Variants in ATP13A5 observed in about 807,000 individuals in gnomAD.
ATP13A5 encodes ATPase 13A5, also known as probable cation-transporting ATPase 13A5.
A neutral mutation model predicts 150.2 loss-of-function variants in ATP13A5; 149 were observed. The ratio of observed to expected loss-of-function variants is 0.99; its 90% confidence interval spans 0.87 to 1.14. The LOEUF (loss-of-function observed/expected upper bound fraction) is 1.14, where lower values mean the gene tolerates loss of function less well. Ranked by LOEUF, ATP13A5 falls within the 50% of genes most tolerant of loss-of-function variation. ATP13A5 has a pLI of 0.00. For missense variants in ATP13A5, 1,383 were observed against 1,449.3 expected (o/e 0.95, Z 0.74); for synonymous variants, 497 against 522.2 (o/e 0.95, Z 0.66).
rs1396671990 is a variant in ATP13A5 at position 193,339,008 on chromosome 3, T to C, written c.944-3909A>G. ...ATTTATCAATTTCTTCTAGATTTTC[T>C]AGTTTATTTGCATAGAGGTGTTTAT... On this transcript the variant is annotated intron_variant, in intron 9 of 29. Coordinates refer to ENST00000342358, the MANE Select transcript of ATP13A5 (RefSeq NM_198505.4). 2.0e-5 allele frequency among the ~76,000 whole-genome samples: 3 copies of C among 152,212 alleles called. No individual in the cohort carries two copies. In the East Asian group the frequency reaches 5.8e-4, roughly 29 times the overall value.
At chr3:193,311,704 TA>T in intron 20 of ATP13A5, 111 bp downstream of exon 20, 11 of 1,446,260 alleles carry the variant, frequency 7.6e-6, no homozygotes, top group African/African-American at 2.8e-5. Context: ...TGGGGGTGTT[TA>T]TTCTCTAACT....
In ATP13A5 at chr3:193,276,638, A is replaced by G. The variant is rs574770975; in HGVS notation, c.3396+112T>C. ...ATATGTACCATTTTAATAAACCCTTAATAACTGTCATTTTGGGGGATCAAA... is the reference window on the plus strand; with the variant it reads ...ATATGTACCATTTTAATAAACCCTTGATAACTGTCATTTTGGGGGATCAAA... On this transcript the variant is annotated intron_variant, in intron 29 of 29. Transcript: ENST00000342358. 3 of 725,298 alleles carry G rather than the reference A, an allele frequency of 4.1e-6. No homozygotes were observed. The East Asian group carries it at 8.0e-5, about 19-fold the overall frequency. 44.9% of individuals were successfully genotyped at this position (725,298 alleles called of 1,614,324 possible). A position where few individuals can be genotyped will look rare whatever the true frequency, so the allele number is the denominator to read the frequency against.
At chr3:193,374,678 T>C (rs1713578955) in intron 1 of ATP13A5, among the ~76,000 whole-genome samples, 1 of 150,168 alleles carries the variant, frequency 6.7e-6, no homozygotes, top group Non-Finnish European at 1.5e-5. Context: ...CACACACGCA[T>C]ACATAGTGCT....
chr3:193,320,390 C>T (rs946933157), intron 16 of ATP13A5, among the ~76,000 whole-genome samples: 10 of 152,080 alleles, frequency 6.6e-5, no homozygotes, highest in East Asian at 1.9e-4. Context: ...ATAGTATTAG[C>T]GTAAGTCAAA....
rs367784749 is a variant in ATP13A5, at chr3:193,362,363, G to A, written c.536+18C>T. Reference sequence around the variant, plus strand: ...TCTGCTGGCAGAGTTTACTCTTAAGGCATATAATAAGTCCTACCTGACCTC... The same window carrying A: ...TCTGCTGGCAGAGTTTACTCTTAAGACATATAATAAGTCCTACCTGACCTC... On this transcript the variant is annotated intron_variant, in intron 5 of 29. Coordinates refer to ENST00000342358, the MANE Select transcript of ATP13A5 (RefSeq NM_198505.4). The A allele has an allele frequency of 2.3e-5, 37 of 1,603,010 alleles. No homozygotes were observed. Among genetic ancestry groups the A allele is most frequent in the Non-Finnish European group, 3.0e-5 (35 of 1,170,164 alleles).
In ATP13A5 at chr3:193,275,178, T is replaced by A. The variant is rs1717131741; in HGVS notation, c.3521A>T (p.Asn1174Ile). 6.8e-6 allele frequency: 11 copies of A among 1,614,194 alleles called. No homozygotes were observed. Among genetic ancestry groups the A allele is most frequent in the South Asian group, 1.1e-5 (1 of 91,080 alleles). ...GCCATCACCTGAATAATCTGTCCTGTTTATGGGAGGCCAGGTTGAGTCTTC... is the reference window on the plus strand; with the variant it reads ...GCCATCACCTGAATAATCTGTCCTGATTATGGGAGGCCAGGTTGAGTCTTC... ...LAEDSTWPPI[N>I]RTDYSGDGKN... Residue 1174 changes from asparagine (N) to isoleucine (I), a missense_variant, in exon 30 of 30, where the codon AAC becomes ATC. Physicochemically the swap from Asn to Ile is moderately radical, Grantham distance 149. This residue lies in a region of ATP13A5 where 568 missense variants were observed against 621.5 expected (regional missense o/e 0.91). Coordinates refer to ENST00000342358, the MANE Select transcript of ATP13A5 (RefSeq NM_198505.4).
intron 10 of ATP13A5, among the ~76,000 whole-genome samples, chr3:193,334,230 T>G (rs772903435): frequency 3.9e-5 from 6 of 152,162 alleles, no homozygotes; most frequent in Non-Finnish European, 7.4e-5. Flanking sequence ...GTAAAGTGTA[T>G]TTTGCATCTG....
At chr3:193,327,746 T>G (rs1013819660) in intron 12 of ATP13A5, among the ~76,000 whole-genome samples, 7 of 152,154 alleles carry the variant, frequency 4.6e-5, no homozygotes, top group African/African-American at 7.2e-5. Context: ...CACTTTTAAT[T>G]TCCTCATTGT....
chr3:193,293,742 A>G (rs1718057251), intron 25 of ATP13A5, among the ~76,000 whole-genome samples: 1 of 152,140 alleles, frequency 6.6e-6, no homozygotes, highest in Admixed American at 6.6e-5. Context: ...CAGAATTTCA[A>G]ATGGGTATCA....
chr3:193,290,106 A>T, intron 25 of ATP13A5, 47 bp from the exon 26 acceptor site: 1 of 1,533,492 alleles, frequency 6.5e-7, no homozygotes, highest in Non-Finnish European at 8.8e-7. Flanking sequence ...TATCATTGAG[A>T]ATAAAAGGTT....
chr3:193,307,437 T>TGA, intron 21 of ATP13A5, 68 bp from the exon 22 acceptor site: 1 of 1,572,212 alleles, frequency 6.4e-7, no homozygotes, highest in Non-Finnish European at 8.7e-7. Flanking sequence ...ATATTTTCCA[T>TGA]CATAACTAAG....
intron 15 of ATP13A5, 73 bp from the exon 16 acceptor site, chr3:193,321,910 G>A (rs1367451570): frequency 2.0e-6 from 3 of 1,514,006 alleles, no homozygotes; most frequent in African/African-American, 1.4e-5. Context: ...CAACAAAAGG[G>A]CTTTACTGTG....
In ATP13A5 at chr3:193,354,122, G is replaced by A; in HGVS notation, c.606+5C>T. 1.2e-6 allele frequency: 2 copies of A among 1,602,710 alleles called. No individual in the cohort carries two copies. The highest frequency in any genetic ancestry group is 8.5e-7 in the Non-Finnish European group (1 of 1,176,774). On this transcript the variant is annotated splice_donor_5th_base_variant and intron_variant, in intron 6 of 29. Transcript: ENST00000342358. ...TTCAAAAAAAAAAGAAAAGAAAACA[G>A]TTACCTGTTTAACAAGCAGCTTCCA...
chr3:193,315,149 G>A (rs1030671651), intron 17 of ATP13A5, 53 bp from the exon 18 acceptor site: 14 of 1,500,160 alleles, frequency 9.3e-6, no homozygotes, highest in Middle Eastern at 3.6e-4. Flanking sequence ...AGGCTCCATA[G>A]TTCAATTTAT....
chr3:193,299,636 T>C (rs1718324931), intron 24 of ATP13A5, among the ~76,000 whole-genome samples: 1 of 152,172 alleles, frequency 6.6e-6, no homozygotes, highest in Non-Finnish European at 1.5e-5. Context: ...ATAGGTCTCT[T>C]GGAGTCCATT....
chr3:193,314,898 C>CA, intron 18 of ATP13A5, 74 bp downstream of exon 18: 2 of 1,553,666 alleles, frequency 1.3e-6, no homozygotes, highest in Non-Finnish European at 1.8e-6. Flanking sequence ...TACATGAACT[C>CA]ACTCAGCTCA....
chr3:193,315,690 A>G (rs1198869123), intron 17 of ATP13A5, among the ~76,000 whole-genome samples: 1 of 152,182 alleles, frequency 6.6e-6, no homozygotes, highest in Admixed American at 6.6e-5. Context: ...GGCTTTTTAA[A>G]AAGTAAATTT....
chr3:193,317,300 T>C (rs913444823), intron 17 of ATP13A5, among the ~76,000 whole-genome samples: 4 of 152,248 alleles, frequency 2.6e-5, no homozygotes, highest in African/African-American at 7.2e-5. Flanking sequence ...TAACTTACTT[T>C]ATATTTTCCC....
chr3:193,282,022 C>T (rs1380908451), intron 27 of ATP13A5, among the ~76,000 whole-genome samples: 2 of 152,000 alleles, frequency 1.3e-5, no homozygotes. Context: ...GGTGAAACCC[C>T]GCCTCTACTA....
Sources: gnomAD v4.1 joint callset for allele counts (sites outside exome capture counted in the v4.1 genomes callset) on GRCh38, gnomAD v4.1.1 for gene constraint, gnomAD v4.1.1 regional missense constraint, MANE v1.5 for transcripts, NCBI Gene and HGNC (gene_info 2026-07-23, HGNC 2026-07-21) for gene names.